The following EXOC6 variants were observed in gnomAD, a reference collection of about 807,000 sequenced individuals.
The protein encoded by EXOC6 is SEC15-like 1.
A neutral mutation model predicts 112.5 loss-of-function variants in EXOC6; 60 were observed. The observed-to-expected ratio is 0.53, with a 90% CI of 0.43 to 0.66. The LOEUF is 0.66. Ranked by LOEUF, EXOC6 falls within the 30% of genes least tolerant of loss-of-function variation. The pLI is 0.00. For missense variants in EXOC6, 855 were observed against 957.1 expected (o/e 0.89, Z 1.41); for synonymous variants, 295 against 308.0 (o/e 0.96, Z 0.44).
intron 18 of EXOC6, among the ~76,000 whole-genome samples, chr10:92,975,936 G>A (rs1375773429): frequency 4.5e-4 from 54 of 119,544 alleles, no homozygotes; most frequent in Non-Finnish European, 4.6e-4. Context: ...TCAGCCCCCC[G>A]CCCGGCCAGC....
intron 18 of EXOC6, among the ~76,000 whole-genome samples, chr10:92,996,004 A>G (rs1252409966): frequency 6.6e-6 from 1 of 152,118 alleles, no homozygotes; most frequent in East Asian, 1.9e-4. Context: ...TCACAAATCA[A>G]CCCTATGTAA....
rs565697678 is a variant in EXOC6 at position 93,015,598 on chromosome 10, T to C, written c.2169+1331T>C. Among the ~76,000 whole-genome samples, 1,030 of 152,300 alleles carry C rather than the reference T, an allele frequency of 6.8e-3. 9 individuals carry two copies. Among genetic ancestry groups the C allele is most frequent in the African/African-American group, 0.023 (965 of 41,558 alleles). ...AATACAAAAAATTAGCTGTGCGTGG[T>C]GGCACATGCCTGTAGTCCCAGCTAC... On this transcript the variant is annotated intron_variant, in intron 20 of 21. Transcript: ENST00000260762.
chr10:92,886,355 A>G (rs1191179318), intron 1 of EXOC6, among the ~76,000 whole-genome samples: 2 of 152,172 alleles, frequency 1.3e-5, no homozygotes, highest in Non-Finnish European at 2.9e-5. Flanking sequence ...TGCATTTGTA[A>G]TTTAAAACTG....
chr10:92,882,421 G>A (rs189242337), intron 1 of EXOC6, among the ~76,000 whole-genome samples: 1 of 151,880 alleles, frequency 6.6e-6, no homozygotes, highest in Non-Finnish European at 1.5e-5. Flanking sequence ...GCAGGTGCCT[G>A]TAATCCCAGC....
At chr10:92,899,667 G>T (rs553514913) in intron 5 of EXOC6, 23 bp downstream of exon 5, 1 of 1,571,384 alleles carries the variant, frequency 6.4e-7, no homozygotes, top group East Asian at 2.3e-5. Context: ...TTTTCCTATT[G>T]TTTTAAATAA....
intron 18 of EXOC6, among the ~76,000 whole-genome samples, chr10:92,989,609 G>A (rs560308786): frequency 1.3e-5 from 2 of 152,288 alleles, no homozygotes; most frequent in Non-Finnish European, 2.9e-5. Flanking sequence ...ACTTTGTCCT[G>A]TTGAAGACAC....
rs927142741 is a variant in EXOC6 at position 93,046,618 on chromosome 10, A to AC, written c.2170-10304dup. ...GGTTTCCTTTTTTTTTTTTTATGAG[A>AC]CCGAGTTTTGTTCTTGTCACCCAGG... On this transcript the variant is annotated intron_variant, in intron 20 of 21. Coordinates refer to ENST00000260762, the MANE Select transcript of EXOC6 (RefSeq NM_019053.6). Among the ~76,000 whole-genome samples the AC allele has an allele frequency of 6.4e-4, 93 of 145,316 alleles. 1 individual carries two copies. Among genetic ancestry groups the AC allele is most frequent in the African/African-American group, 2.3e-3 (89 of 38,544 alleles).
intron 1 of EXOC6, among the ~76,000 whole-genome samples, chr10:92,855,428 G>A (rs1847553633): frequency 6.6e-6 from 1 of 152,110 alleles, no homozygotes; most frequent in African/African-American, 2.4e-5. Context: ...TGGCCTTATA[G>A]AATGAGTTAG....
intron 1 of EXOC6, among the ~76,000 whole-genome samples, chr10:92,856,769 A>G (rs1018649765): frequency 4.6e-5 from 7 of 152,120 alleles, no homozygotes; most frequent in Non-Finnish European, 8.8e-5. Flanking sequence ...TGTTCTATCC[A>G]TTATTGAATG....
intron 1 of EXOC6, among the ~76,000 whole-genome samples, chr10:92,882,179 C>G (rs961813141): frequency 6.6e-6 from 1 of 152,008 alleles, no homozygotes; most frequent in African/African-American, 2.4e-5. Flanking sequence ...ATATTGCTAA[C>G]TAACTATAGT....
In EXOC6 at chr10:92,974,052, G is replaced by A. The variant is rs1447494094; in HGVS notation, c.1774-1G>A. The A allele has an allele frequency of 1.3e-6, 2 of 1,582,530 alleles. No individual in the cohort carries two copies. Among genetic ancestry groups the A allele is most frequent in the African/African-American group, 2.7e-5 (2 of 72,980 alleles). On this transcript the variant is annotated splice_acceptor_variant, in intron 17 of 21. Coordinates refer to ENST00000260762, the MANE Select transcript of EXOC6 (RefSeq NM_019053.6). LOFTEE classifies it high-confidence loss of function. Reference sequence around the variant, plus strand: ...TTTGTTGTTATTTTGTCCCATGTCAGGATGCTCGACATGCAGCAGAAGGAG... The same window carrying A: ...TTTGTTGTTATTTTGTCCCATGTCAAGATGCTCGACATGCAGCAGAAGGAG...
Position 92,940,785 on chromosome 10 carries a change from A to G in EXOC6, c.1271A>G (p.Tyr424Cys). The G allele has an allele frequency of 1.2e-6, 2 of 1,612,070 alleles. No individual in the cohort carries two copies. Among genetic ancestry groups the G allele is most frequent in the South Asian group, 1.1e-5 (1 of 90,520 alleles). ...FDLLFEIRDQ[Y>C]NETLLKKWAG... ...CTTTTATTTGAAATAAGAGACCAAT[A>G]CAATGAAACACTGCTTAAGAAATGG... The change falls in exon 13 of 22, where the codon TAC (tyrosine) becomes TGC (cysteine). Residue 424 changes from tyrosine (Y) to cysteine (C), a missense_variant. Around this residue, in one of 2 missense-constraint regions of EXOC6, gnomAD observed 450 missense variants for 563.5 expected, o/e 0.80. Transcript: ENST00000260762.
intron 1 of EXOC6, among the ~76,000 whole-genome samples, chr10:92,864,412 A>G (rs1322540436): frequency 6.6e-6 from 1 of 152,194 alleles, no homozygotes; most frequent in Non-Finnish European, 1.5e-5. Flanking sequence ...ACTCTAGAGC[A>G]CTGGTTCTTT....
chr10:92,866,057 A>G (rs1848159637), intron 1 of EXOC6, among the ~76,000 whole-genome samples: 1 of 152,084 alleles, frequency 6.6e-6, no homozygotes, highest in Non-Finnish European at 1.5e-5. Flanking sequence ...ATATAAGTGA[A>G]TCTGCATAGT....
chr10:93,019,964 T>C (rs922591829), intron 20 of EXOC6, among the ~76,000 whole-genome samples: 1 of 152,232 alleles, frequency 6.6e-6, no homozygotes, highest in African/African-American at 2.4e-5. Flanking sequence ...ATCACTATTC[T>C]TGCTGCACTA....
At chr10:92,973,946 G>T in intron 17 of EXOC6, 107 bp from the exon 18 acceptor site, 2 of 939,926 alleles carry the variant, frequency 2.1e-6, no homozygotes, top group Non-Finnish European at 3.1e-6. Context: ...TTGAATAAAT[G>T]GCTAAAATAT....
chr10:92,848,443 C>T (rs1847143910), upstream of EXOC6: 8 of 903,666 alleles, frequency 8.9e-6, no homozygotes, highest in South Asian at 1.4e-4. Context: ...GCCCCGCCCC[C>T]GCCCCGCCCC....
chr10:93,003,537 T>TA (rs1247861992), intron 19 of EXOC6, among the ~76,000 whole-genome samples: 5 of 152,198 alleles, frequency 3.3e-5, no homozygotes, highest in South Asian at 4.1e-4. Flanking sequence ...AGTCTGTAAT[T>TA]ATGAAACAGA....
At chr10:92,923,589 A>G (rs543163289) in intron 8 of EXOC6, among the ~76,000 whole-genome samples, 1 of 152,270 alleles carries the variant, frequency 6.6e-6, no homozygotes, top group African/African-American at 2.4e-5. Context: ...TGGAGTGTCT[A>G]CTAGGCTGCC....
Sources: allele counts gnomAD v4.1 joint callset (sites outside exome capture counted in the v4.1 genomes callset), GRCh38; gene constraint gnomAD v4.1.1; regional missense constraint gnomAD v4.1.1; transcripts MANE v1.5; gene names NCBI Gene and HGNC (gene_info 2026-07-23, HGNC 2026-07-21).